Variants in SLC2A13 observed in about 807,000 individuals in gnomAD.
SLC2A13 encodes solute carrier family 2 member 13.
In SLC2A13, 32 loss-of-function variants were observed where a neutral mutation model predicts 64.4. The ratio of observed to expected loss-of-function variants is 0.50; its 90% CI spans 0.37 to 0.67. The LOEUF is 0.67. Among genes scored for constraint, SLC2A13 ranks in the 30% least tolerant of loss-of-function variants. SLC2A13 has a pLI of 0.00. For missense variants in SLC2A13, 743 were observed against 829.2 expected (o/e 0.90, Z 1.28); for synonymous variants, 338 against 327.1 (o/e 1.03, Z -0.36).
In SLC2A13 at chr12:39,871,933, A is replaced by C; in HGVS notation, c.1063T>G (p.Ser355Ala). The change falls in exon 5 of 10, where the codon TCT becomes GCT. Residue 355 changes from serine to alanine, a missense_variant. Physicochemically the swap from Ser to Ala is moderately conservative, Grantham distance 99. Transcript: ENST00000280871. Reference sequence around the variant, plus strand: ...GCAAGTCTATCATCTTCAACACCAGACATCTGCAGAATGGTTGCACTGTAG... The same window carrying C: ...GCAAGTCTATCATCTTCAACACCAGCCATCTGCAGAATGGTTGCACTGTAG... The part of the protein sequence containing the change: ...MYYSATILQM[S>A]GVEDDRLAIW... 1.2e-6 allele frequency: 2 copies of C among 1,609,128 alleles called. No individual in the cohort carries two copies. The highest frequency in any genetic ancestry group is 1.1e-5 in the South Asian group (1 of 89,954).
At chr12:40,038,086 T>C (rs754718237) in intron 2 of SLC2A13, among the ~76,000 whole-genome samples, 3 of 152,230 alleles carry the variant, frequency 2.0e-5, no homozygotes, top group Non-Finnish European at 4.4e-5. Flanking sequence ...GAAACTTAGA[T>C]CACTGACTTT....
intron 6 of SLC2A13, chr12:39,830,468 T>C (rs1942822767): frequency 3.3e-6 from 4 of 1,219,660 alleles, no homozygotes; most frequent in Non-Finnish European, 4.1e-6. Context: ...GAAGGAGGCT[T>C]GGATCTGAGA....
chr12:39,883,417 C>G (rs1275213496), intron 4 of SLC2A13, among the ~76,000 whole-genome samples: 1 of 152,262 alleles, frequency 6.6e-6, no homozygotes, highest in East Asian at 1.9e-4. Context: ...AGCTTTTGAT[C>G]CAAACAATGA....
intron 4 of SLC2A13, among the ~76,000 whole-genome samples, chr12:39,899,281 A>G (rs1199990962): frequency 3.3e-5 from 5 of 152,136 alleles, no homozygotes; most frequent in Admixed American, 1.3e-4. Flanking sequence ...AGGTGTTTGC[A>G]GTATTCTCTG....
At chr12:39,942,131 A>G (rs1300173017) in intron 4 of SLC2A13, among the ~76,000 whole-genome samples, 1 of 152,126 alleles carries the variant, frequency 6.6e-6, no homozygotes, top group Non-Finnish European at 1.5e-5. Context: ...ATAGTTTGAA[A>G]TCAGGTAGTG....
At chr12:39,987,511 C>T (rs894565843) in intron 3 of SLC2A13, among the ~76,000 whole-genome samples, 1 of 152,150 alleles carries the variant, frequency 6.6e-6, no homozygotes, top group Non-Finnish European at 1.5e-5. Flanking sequence ...GTTTCTCTCA[C>T]AGTCCTTCTC....
chr12:39,951,245 A>G lies in SLC2A13; in HGVS notation c.1034+12T>C, dbSNP rs1357523357. On this transcript the variant is annotated intron_variant, in intron 4 of 9. Coordinates refer to ENST00000280871, the MANE Select transcript of SLC2A13 (RefSeq NM_052885.4). ...CAATCTTTTCAGTAAAAAGCCAGAA[A>G]GAAATACATACATGATGGTGTTAAT... 6.2e-7 allele frequency: 1 copy of G among 1,607,018 alleles called. No homozygotes were observed. Among genetic ancestry groups the G allele is most frequent in the Non-Finnish European group, 8.5e-7 (1 of 1,175,686 alleles).
At position 39,883,488 on chromosome 12, in the gene SLC2A13, A is replaced by G. The variant is rs925511028; in HGVS notation, c.1035-11527T>C. On this transcript the variant is annotated intron_variant, in intron 4 of 9. Transcript: ENST00000280871. Reference sequence around the variant, plus strand: ...CCAAAGTTCCAAGTTGTGTCCATCTAACACCTCATTAAACCAAACAGGACG... The same window carrying G: ...CCAAAGTTCCAAGTTGTGTCCATCTGACACCTCATTAAACCAAACAGGACG... 7.2e-5 allele frequency among the ~76,000 whole-genome samples: 11 copies of G among 152,302 alleles called. No individual in the cohort carries two copies. In the South Asian group the frequency reaches 1.9e-3, roughly 26 times the overall value.
At chr12:39,875,804 T>A (rs540561052) in intron 4 of SLC2A13, among the ~76,000 whole-genome samples, 5 of 152,290 alleles carry the variant, frequency 3.3e-5, no homozygotes, top group African/African-American at 1.2e-4. Flanking sequence ...CAAAGTACAT[T>A]CCAATGTTTT....
At chr12:39,775,818 T>C (rs1940754527) in intron 7 of SLC2A13, among the ~76,000 whole-genome samples, 1 of 152,218 alleles carries the variant, frequency 6.6e-6, no homozygotes, top group African/African-American at 2.4e-5. Flanking sequence ...GTATCCCTTA[T>C]TCAAAATACT....
intron 4 of SLC2A13, among the ~76,000 whole-genome samples, chr12:39,944,449 G>T (rs1219974616): frequency 1.3e-5 from 2 of 152,204 alleles, no homozygotes; most frequent in African/African-American, 4.8e-5. Flanking sequence ...GAGTACTGAA[G>T]TCTCCCACTA....
intron 4 of SLC2A13, among the ~76,000 whole-genome samples, chr12:39,908,924 C>A (rs529492191): frequency 1.8e-4 from 28 of 151,776 alleles, no homozygotes; most frequent in African/African-American, 5.8e-4. Flanking sequence ...GTTATTGATA[C>A]GTGAAGAATA....
intron 1 of SLC2A13, among the ~76,000 whole-genome samples, chr12:40,058,098 C>CTA (rs1948363557): frequency 1.4e-5 from 2 of 141,830 alleles, no homozygotes; most frequent in South Asian, 4.4e-4. Context: ...GATTGATTTA[C>CTA]TATATATATT....
intron 1 of SLC2A13, among the ~76,000 whole-genome samples, chr12:40,062,489 CAT>C (rs1948438554): frequency 2.0e-5 from 3 of 151,578 alleles, no homozygotes; most frequent in Admixed American, 2.0e-4. Flanking sequence ...GAAAAAAAAG[CAT>C]ATATATCTGA....
chr12:39,927,979 T>C (rs1393746855), intron 4 of SLC2A13, among the ~76,000 whole-genome samples: 2 of 152,216 alleles, frequency 1.3e-5, no homozygotes, highest in African/African-American at 4.8e-5. Context: ...AATTAAATTA[T>C]CTATATAACT....
At chr12:40,082,497 C>T (rs978343071) in intron 1 of SLC2A13, among the ~76,000 whole-genome samples, 10 of 152,206 alleles carry the variant, frequency 6.6e-5, no homozygotes, top group Admixed American at 2.0e-4. Context: ...GCTGGGCAAC[C>T]AAGGCCATGC....
intron 1 of SLC2A13, among the ~76,000 whole-genome samples, chr12:40,092,524 T>G (rs1027924238): frequency 1.3e-5 from 2 of 152,336 alleles, no homozygotes; most frequent in Admixed American, 6.5e-5. Flanking sequence ...ATCACATCAT[T>G]ATACACTTAC....
At chr12:39,905,796 G>C (rs1358797453) in intron 4 of SLC2A13, among the ~76,000 whole-genome samples, 1 of 142,872 alleles carries the variant, frequency 7.0e-6, no homozygotes, top group Non-Finnish European at 1.5e-5. Flanking sequence ...CCTTCAAAAG[G>C]TACTAGGCCT....
chr12:39,969,468 C>G (rs1174886624), intron 3 of SLC2A13, among the ~76,000 whole-genome samples: 1 of 152,174 alleles, frequency 6.6e-6, no homozygotes, highest in East Asian at 1.9e-4. Flanking sequence ...CCTGTTGTTT[C>G]CTGACTTTTT....
Sources: allele counts gnomAD v4.1 joint callset (sites outside exome capture counted in the v4.1 genomes callset), GRCh38; gene constraint gnomAD v4.1.1; transcripts MANE v1.5; gene names NCBI Gene and HGNC (gene_info 2026-07-23, HGNC 2026-07-21).